CACUL1: variants seen among roughly 807,000 people sequenced by gnomAD.
The protein encoded by CACUL1 is CDK2-associated and cullin domain-containing protein 1.
Under a neutral mutation model 45.2 loss-of-function variants are expected in CACUL1, and 13 were observed. The observed-to-expected ratio is 0.29, with a 90% CI of 0.19 to 0.46. The LOEUF is 0.46. Ranked by LOEUF, CACUL1 falls within the 20% of genes least tolerant of loss-of-function variation. CACUL1 has a pLI of 1.00. For missense variants in CACUL1, 421 were observed against 471.4 expected, an observed-to-expected ratio of 0.89 and a Z score of 0.99; for synonymous variants, 197 against 174.2, an observed-to-expected ratio of 1.13 and a Z score of -1.03.
At chr10:118,742,351 T>C (rs1250161422) in intron 1 of CACUL1, among the ~76,000 whole-genome samples, 1 of 152,210 alleles carries the variant, frequency 6.6e-6, no homozygotes, top group East Asian at 1.9e-4. Flanking sequence ...TGCTTAACAG[T>C]TTACAATGTG....
intron 1 of CACUL1, among the ~76,000 whole-genome samples, chr10:118,744,845 G>A (rs1564839717): frequency 6.6e-6 from 1 of 151,984 alleles, no homozygotes; most frequent in African/African-American, 2.4e-5. Context: ...TAGTATGGAC[G>A]GGGTTTCACC....
In CACUL1 at chr10:118,686,548, C is replaced by G. The variant is rs1442854253; in HGVS notation, c.1069+50G>C. On this transcript the variant is annotated intron_variant, in intron 8 of 8. Coordinates refer to ENST00000369151, the MANE Select transcript of CACUL1 (RefSeq NM_153810.5). ...CTGTTATCACAGTGCATTAATATGG[C>G]TGCTTTACATCACAGAACCATCAAG... 4 of 1,388,616 alleles carry G rather than the reference C, an allele frequency of 2.9e-6. No homozygotes were observed. The African/African-American group carries it at 5.7e-5, about 20-fold the overall frequency. The allele number at this position is 1,388,616 out of a possible 1,614,324, so 86.0% of individuals were successfully genotyped here. A position where few individuals can be genotyped will look rare whatever the true frequency, so the allele number is the denominator to read the frequency against.
intron 7 of CACUL1, 56 bp downstream of exon 7, chr10:118,691,209 G>C (rs1845261933): frequency 1.3e-6 from 2 of 1,503,180 alleles, no homozygotes; most frequent in African/African-American, 2.8e-5. Context: ...TGTCAAGCCA[G>C]ACTGGCCTAG....
At chr10:118,686,864 C>A in intron 7 of CACUL1, 1 of 506,282 alleles carries the variant, frequency 2.0e-6, no homozygotes. Context: ...CCTCAAACAC[C>A]TATGAAAGTT....
intron 1 of CACUL1, among the ~76,000 whole-genome samples, chr10:118,739,814 G>A (rs1845774892): frequency 6.6e-6 from 1 of 152,198 alleles, no homozygotes; most frequent in Non-Finnish European, 1.5e-5. Flanking sequence ...CCAGTGACAG[G>A]TACATGGCGA....
rs1202485486 is a variant in CACUL1, at chr10:118,715,195, T to C, written c.598-7608A>G. On this transcript the variant is annotated intron_variant, in intron 3 of 8. Coordinates refer to ENST00000369151, the MANE Select transcript of CACUL1 (RefSeq NM_153810.5). Reference sequence around the variant, plus strand: ...AGTTTAAATAGTGAAATCTGCGAAATACCACTAAAAATATATATATACACA... The same window carrying C: ...AGTTTAAATAGTGAAATCTGCGAAACACCACTAAAAATATATATATACACA... Among the ~76,000 whole-genome samples the C allele has an allele frequency of 4.6e-5, 7 of 152,150 alleles. No homozygotes were observed. The East Asian group carries it at 1.3e-3, about 29-fold the overall frequency.
At chr10:118,736,937 A>G (rs2119656673) in intron 1 of CACUL1, among the ~76,000 whole-genome samples, 1 of 152,288 alleles carries the variant, frequency 6.6e-6, no homozygotes, top group South Asian at 2.1e-4. Context: ...TTTGTAGCCT[A>G]AAAGCAATAG....
intron 7 of CACUL1, 126 bp from the exon 8 acceptor site, chr10:118,686,767 T>A: frequency 1.4e-6 from 1 of 697,982 alleles, no homozygotes; most frequent in Non-Finnish European, 2.6e-6. Context: ...TAAAAATACA[T>A]ATTAAACATC....
intron 4 of CACUL1, among the ~76,000 whole-genome samples, chr10:118,704,758 G>A (rs1422505163): frequency 1.3e-5 from 2 of 152,148 alleles, no homozygotes; most frequent in Non-Finnish European, 2.9e-5. Context: ...CACAAGGTGG[G>A]GGTGGGGGGA....
At chr10:118,740,967 T>C (rs1029207515) in intron 1 of CACUL1, among the ~76,000 whole-genome samples, 1 of 150,822 alleles carries the variant, frequency 6.6e-6, no homozygotes, top group African/African-American at 2.4e-5. Context: ...GTAAAAAAAT[T>C]AGAAAGGTAA....
rs1412400065 is a variant in CACUL1 at position 118,683,407 on chromosome 10, AG to A, written c.*2720del. On this transcript the variant is annotated 3_prime_UTR_variant, in exon 9 of 9. Coordinates refer to ENST00000369151, the MANE Select transcript of CACUL1 (RefSeq NM_153810.5). ...AAGAATACAAAAAAAAAAAAAAAAA[AG>A]GCCAGGTGCAGTGGCTCACACCTAT... 4.6e-5 allele frequency: 7 copies of A among 150,986 alleles called. No individual in the cohort carries two copies. The highest frequency in any genetic ancestry group is 1.7e-4 in the African/African-American group (7 of 41,102). 9.4% of individuals were successfully genotyped at this position (150,986 alleles called of 1,614,324 possible). A position where few individuals can be genotyped will look rare whatever the true frequency, so the allele number is the denominator to read the frequency against.
rs1024165752 is a variant in CACUL1, at chr10:118,679,054, G to A, written c.*7074C>T. 6.6e-6 allele frequency: 1 copy of A among 151,826 alleles called. No homozygotes were observed. Among genetic ancestry groups the A allele is most frequent in the Admixed American group, 6.6e-5 (1 of 15,224 alleles). 9.4% of individuals were successfully genotyped at this position (151,826 alleles called of 1,614,324 possible). A position where few individuals can be genotyped will look rare whatever the true frequency, so the allele number is the denominator to read the frequency against. ...TTTTAACTTTTTAAATATTTTTCTC[G>A]ACAGGGTCTCACTCTGTTATCCTAG... On this transcript the variant is annotated 3_prime_UTR_variant, in exon 9 of 9. Coordinates refer to ENST00000369151, the MANE Select transcript of CACUL1 (RefSeq NM_153810.5).
At position 118,680,929 on chromosome 10, in the gene CACUL1, C is replaced by G. The variant is rs1201006582; in HGVS notation, c.*5199G>C. 6.6e-6 allele frequency: 1 copy of G among 152,130 alleles called. No homozygotes were observed. The highest frequency in any genetic ancestry group is 1.5e-5 in the Non-Finnish European group (1 of 68,022). 9.4% of individuals were successfully genotyped at this position (152,130 alleles called of 1,614,324 possible). A position where few individuals can be genotyped will look rare whatever the true frequency, so the allele number is the denominator to read the frequency against. On this transcript the variant is annotated 3_prime_UTR_variant, in exon 9 of 9. Coordinates refer to ENST00000369151, the MANE Select transcript of CACUL1 (RefSeq NM_153810.5). ...ATATTATAACAAAGTTCCAGTGAAC[C>G]AGGTATTAAGGCCAAGGACATCTGT...
At chr10:118,686,475 C>T (rs1845207252) in intron 8 of CACUL1, 123 bp downstream of exon 8, 3 of 814,490 alleles carry the variant, frequency 3.7e-6, no homozygotes, top group Admixed American at 4.1e-5. Flanking sequence ...ACCTTGATTA[C>T]AAGCAGTGCC....
intron 4 of CACUL1, among the ~76,000 whole-genome samples, chr10:118,703,818 T>C (rs1845407828): frequency 6.6e-6 from 1 of 152,232 alleles, no homozygotes; most frequent in Non-Finnish European, 1.5e-5. Flanking sequence ...GGGTATATTT[T>C]CATGTTTATA....
intron 3 of CACUL1, 44 bp from the exon 4 acceptor site, chr10:118,707,631 A>G (rs1454786999): frequency 3.4e-6 from 3 of 885,058 alleles, no homozygotes; most frequent in Non-Finnish European, 5.5e-6. Flanking sequence ...GAAACCAGGG[A>G]AAGACCTTCC....
intron 3 of CACUL1, among the ~76,000 whole-genome samples, chr10:118,725,162 C>T (rs1267484380): frequency 1.3e-5 from 2 of 152,076 alleles, no homozygotes; most frequent in East Asian, 1.9e-4. Flanking sequence ...AATAGAACTT[C>T]GTTATTACTT....
At chr10:118,686,457 G>A in intron 8 of CACUL1, 141 bp downstream of exon 8, 1 of 742,892 alleles carries the variant, frequency 1.3e-6, no homozygotes, top group South Asian at 1.7e-5. Context: ...AGCATGCAAA[G>A]CATCCTGACC....
intron 3 of CACUL1, among the ~76,000 whole-genome samples, chr10:118,720,955 T>A (rs868309053): frequency 1.3e-5 from 2 of 152,164 alleles, no homozygotes; most frequent in African/African-American, 4.8e-5. Flanking sequence ...ACATTTTCAG[T>A]AGAACACACA....
Sources: gnomAD v4.1 joint callset for allele counts (sites outside exome capture counted in the v4.1 genomes callset) on GRCh38, gnomAD v4.1.1 for gene constraint, MANE v1.5 for transcripts, NCBI Gene and HGNC (gene_info 2026-07-23, HGNC 2026-07-21) for gene names.